TSPEAR: variants seen among roughly 807,000 people sequenced by gnomAD.
TSPEAR encodes the protein thrombospondin type laminin G domain and EAR repeats.
TSPEAR carries 69 observed loss-of-function variants against 71.6 expected under a neutral mutation model. That is an observed-to-expected ratio of 0.96 (90% CI 0.79 to 1.18). TSPEAR has a LOEUF of 1.18. TSPEAR is among the 50% of genes most tolerant of loss of function. The pLI, the probability that TSPEAR is intolerant of heterozygous loss-of-function variation, is 0.00. For synonymous variants in TSPEAR, 402 were observed against 387.2 expected, an observed-to-expected ratio of 1.04 and a Z score of -0.45; for missense variants, 971 against 894.9, an observed-to-expected ratio of 1.09 and a Z score of -1.09.
intron 1 of TSPEAR, among the ~76,000 whole-genome samples, chr21:44,679,790 G>T (rs1986492500): frequency 2.0e-5 from 3 of 152,092 alleles, no homozygotes; most frequent in Non-Finnish European, 4.4e-5. Flanking sequence ...AATAGAGAAA[G>T]GACACCCCTT....
chr21:44,578,411 G>C lies in TSPEAR; in HGVS notation c.83-10406C>G, dbSNP rs587643916. 9.2e-5 allele frequency among the ~76,000 whole-genome samples: 14 copies of C among 152,302 alleles called. No homozygotes were observed. In the South Asian group the frequency reaches 2.5e-3, roughly 27 times the overall value. On this transcript the variant is annotated intron_variant, in intron 1 of 11. Transcript: ENST00000323084. Reference sequence around the variant, plus strand: ...ACTCATAATTAAAACCCTTCCCACAGAGACAATGCCAATCCCGAATGGCTT... The same window carrying C: ...ACTCATAATTAAAACCCTTCCCACACAGACAATGCCAATCCCGAATGGCTT...
chr21:44,575,136 T>C (rs1330822119), intron 1 of TSPEAR: 1 of 993,962 alleles, frequency 1.0e-6, no homozygotes, highest in Non-Finnish European at 1.5e-6. Flanking sequence ...GCTGTTGAGC[T>C]GGACAATGGA....
At chr21:44,565,174 G>A (rs1481193408) in intron 2 of TSPEAR, among the ~76,000 whole-genome samples, 1 of 152,090 alleles carries the variant, frequency 6.6e-6, no homozygotes, top group Non-Finnish European at 1.5e-5. Flanking sequence ...GTAAATACCT[G>A]TATTAAGAAA....
chr21:44,500,607 G>A (rs587595195), intron 11 of TSPEAR, among the ~76,000 whole-genome samples: 4 of 152,328 alleles, frequency 2.6e-5, no homozygotes, highest in Admixed American at 6.5e-5. Context: ...CTGCTCTCAC[G>A]GGAAAGGGCA....
At chr21:44,535,047 G>A (rs2145991612) in intron 2 of TSPEAR, among the ~76,000 whole-genome samples, 1 of 152,244 alleles carries the variant, frequency 6.6e-6, no homozygotes, top group South Asian at 2.1e-4. Context: ...GAGACAAAAG[G>A]TAGAATGGTA....
chr21:44,521,773 C>T, intron 9 of TSPEAR, 110 bp downstream of exon 9: 1 of 1,038,260 alleles, frequency 9.6e-7, no homozygotes. Context: ...CAGAGCAGCA[C>T]TAGGTTTGGC....
chr21:44,650,993 C>T (rs182328872), intron 1 of TSPEAR, among the ~76,000 whole-genome samples: 120 of 152,288 alleles, frequency 7.9e-4, no homozygotes, highest in Non-Finnish European at 1.4e-3. Flanking sequence ...GTCCAGGTGG[C>T]GCCCCACCAG....
At chr21:44,519,882 G>A (rs1026969473) in intron 9 of TSPEAR, 9 of 152,290 alleles carry the variant, frequency 5.9e-5, no homozygotes, top group Non-Finnish European at 1.3e-4. Context: ...CTTGGCACAG[G>A]TGCTCTACAG....
At chr21:44,596,216 C>T (rs1980358203) in intron 1 of TSPEAR, among the ~76,000 whole-genome samples, 1 of 152,234 alleles carries the variant, frequency 6.6e-6, no homozygotes, top group Non-Finnish European at 1.5e-5. Context: ...TCCATGCGGC[C>T]TCAACGGGCA....
intron 7 of TSPEAR, among the ~76,000 whole-genome samples, chr21:44,527,089 A>T (rs2052871346): frequency 6.6e-6 from 1 of 152,136 alleles, no homozygotes; most frequent in Non-Finnish European, 1.5e-5. Flanking sequence ...GTTTTGCGGG[A>T]GCCAAGCAGA....
At chr21:44,601,270 G>T in intron 1 of TSPEAR, 1 of 1,608,708 alleles carries the variant, frequency 6.2e-7, no homozygotes, top group Non-Finnish European at 8.5e-7. Context: ...CTGCAAGCCG[G>T]CTTGCTGCAC....
chr21:44,702,808 C>T (rs1987722189), intron 1 of TSPEAR: 3 of 1,199,564 alleles, frequency 2.5e-6, no homozygotes, highest in African/African-American at 3.0e-5. Context: ...CTGACGGGCA[C>T]GTCCCCCAGG....
chr21:44,537,049 A>G (rs587656883), intron 2 of TSPEAR, among the ~76,000 whole-genome samples: 1 of 152,356 alleles, frequency 6.6e-6, no homozygotes, highest in African/African-American at 2.4e-5. Context: ...AAATGGAACT[A>G]TTGTACTGTG....
At chr21:44,513,311 G>A (rs1192289601) in intron 9 of TSPEAR, among the ~76,000 whole-genome samples, 9 of 152,202 alleles carry the variant, frequency 5.9e-5, no homozygotes, top group Admixed American at 5.9e-4. Flanking sequence ...TCAGAAGTGA[G>A]GAGGTGCCCC....
chr21:44,614,902 G>A (rs1981971921), intron 1 of TSPEAR, among the ~76,000 whole-genome samples: 1 of 152,214 alleles, frequency 6.6e-6, no homozygotes, highest in East Asian at 1.9e-4. Context: ...GGCCCAAATG[G>A]CCTTGGAACA....
chr21:44,551,393 G>A (rs782707539), intron 2 of TSPEAR: 14 of 1,613,210 alleles, frequency 8.7e-6, no homozygotes, highest in African/African-American at 1.3e-5. Context: ...AGCTCTCTGG[G>A]CAGTCGTCCA....
chr21:44,509,627 G>C (rs2052309539), intron 9 of TSPEAR, among the ~76,000 whole-genome samples: 1 of 152,112 alleles, frequency 6.6e-6, no homozygotes, highest in South Asian at 2.1e-4. Flanking sequence ...CTGTCCCCAG[G>C]GCTGCCACTT....
At chr21:44,635,345 CAAAAAAAAA>C (rs56054652) in intron 1 of TSPEAR, among the ~76,000 whole-genome samples, 5 of 83,904 alleles carry the variant, frequency 6.0e-5, no homozygotes, top group Non-Finnish European at 8.9e-5. Flanking sequence ...GACTCTGTCT[CAAAAAAAAA>C]AAAAAAAAAA....
intron 1 of TSPEAR, among the ~76,000 whole-genome samples, chr21:44,679,399 G>A (rs1314562317): frequency 6.6e-6 from 1 of 152,152 alleles, no homozygotes; most frequent in African/African-American, 2.4e-5. Flanking sequence ...AATTGAAGAA[G>A]ACACAAACAA....
Sources: gnomAD v4.1 joint callset for allele counts (sites outside exome capture counted in the v4.1 genomes callset) on GRCh38, gnomAD v4.1.1 for gene constraint, MANE v1.5 for transcripts, NCBI Gene and HGNC (gene_info 2026-07-23, HGNC 2026-07-21) for gene names.